Variants in ZNF131 observed in about 807,000 individuals in gnomAD.
ZNF131 encodes zinc finger protein 131.
ZNF131 carries 7 observed loss-of-function variants against 60.0 expected under a neutral mutation model. The observed-to-expected ratio is 0.12, with a 90% CI of 0.07 to 0.22. The LOEUF (loss-of-function observed/expected upper bound fraction) is 0.22. Ranked by LOEUF, ZNF131 falls within the 10% of genes least tolerant of loss-of-function variation. The pLI is 1.00. For synonymous variants in ZNF131, 257 were observed against 253.2 expected (o/e 1.01, Z -0.14); for missense variants, 493 against 740.9 (o/e 0.67, Z 3.88).
chr5:43,132,750 T>A (rs776415073), intron 3 of ZNF131, among the ~76,000 whole-genome samples: 35 of 152,104 alleles, frequency 2.3e-4, no homozygotes, highest in Non-Finnish European at 5.0e-4. Flanking sequence ...TGACCTCAAG[T>A]AATCTGCCCA....
intron 4 of ZNF131, among the ~76,000 whole-genome samples, chr5:43,158,393 G>T (rs1202153853): frequency 1.3e-5 from 2 of 152,170 alleles, no homozygotes; most frequent in Non-Finnish European, 2.9e-5. Flanking sequence ...GGGTTCAAGT[G>T]ATTCTCCTGC....
rs530031959 is a variant in ZNF131, at chr5:43,158,653, T to C, written c.372-2596T>C. Among the ~76,000 whole-genome samples, 48 of 152,314 alleles carry C rather than the reference T, an allele frequency of 3.2e-4. 1 individual carries two copies. The highest frequency in any genetic ancestry group is 9.4e-4 in the African/African-American group (39 of 41,574). On this transcript the variant is annotated intron_variant, in intron 4 of 6. Transcript: ENST00000682664. ...TCCAAATAAGGCCTATTCACAGATA[T>C]TAGGGGCCAAGACTTCAACATACCT...
intron 3 of ZNF131, among the ~76,000 whole-genome samples, chr5:43,138,086 G>T (rs767917347): frequency 6.6e-6 from 1 of 152,188 alleles, no homozygotes. Context: ...GGGGCTGGGA[G>T]GGAGGAGGAA....
Position 43,175,146 on chromosome 5 carries a change from A to G in ZNF131, c.*13A>G. On this transcript the variant is annotated 3_prime_UTR_variant, in exon 7 of 7. Coordinates refer to ENST00000682664, the MANE Select transcript of ZNF131 (RefSeq NM_001330707.2). ...AGTTTTAGAATGAAATTACACATGA[A>G]TATATTTTTAAATTTACTTGTTGGG... 1.9e-6 allele frequency: 3 copies of G among 1,586,398 alleles called. No individual in the cohort carries two copies. The highest frequency in any genetic ancestry group is 2.3e-5 in the South Asian group (2 of 86,904).
chr5:43,141,880 C>T (rs1477906293), intron 4 of ZNF131, among the ~76,000 whole-genome samples: 1 of 151,958 alleles, frequency 6.6e-6, no homozygotes, highest in Non-Finnish European at 1.5e-5. Context: ...GTAATATGTT[C>T]TGAAGAGTTC....
chr5:43,161,652 G>A lies in ZNF131; in HGVS notation c.775G>A (p.Asp259Asn). The change falls in exon 5 of 7, where the codon GAC becomes AAC. Residue 259 changes from aspartate to asparagine, a missense_variant. Asp to Asn is a conservative substitution (Grantham distance 23, BLOSUM62 1). Coordinates refer to ENST00000682664, the MANE Select transcript of ZNF131 (RefSeq NM_001330707.2). ...GGAACTTCAGCTGTCACATGTGAAG[G>A]ACTTGTTCCATTGTGAGAAATGTAA... The part of the protein sequence containing the change: ...IVELQLSHVK[D>N]LFHCEKCNRS... 6.2e-7 allele frequency: 1 copy of A among 1,614,226 alleles called. No individual in the cohort carries two copies. The highest frequency in any genetic ancestry group is 1.1e-5 in the South Asian group (1 of 91,090).
At position 43,172,176 on chromosome 5, in the gene ZNF131, C is replaced by G. The variant is rs1369695675; in HGVS notation, c.1055-1142C>G. On this transcript the variant is annotated intron_variant, in intron 5 of 6. Coordinates refer to ENST00000682664, the MANE Select transcript of ZNF131 (RefSeq NM_001330707.2). Reference sequence around the variant, plus strand: ...CTGGTTAAAGTCATTTCCTTGTTTTCTTTACTTCTACTTCTGGCTGTTTCA... The same window carrying G: ...CTGGTTAAAGTCATTTCCTTGTTTTGTTTACTTCTACTTCTGGCTGTTTCA... Among the ~76,000 whole-genome samples, 5 of 152,230 alleles carry G rather than the reference C, an allele frequency of 3.3e-5. No individual in the cohort carries two copies. In the East Asian group the frequency reaches 7.7e-4, roughly 23 times the overall value.
At position 43,155,752 on chromosome 5, in the gene ZNF131, A is replaced by G. The variant is rs146057456; in HGVS notation, c.372-5497A>G. On this transcript the variant is annotated intron_variant, in intron 4 of 6. Coordinates refer to ENST00000682664, the MANE Select transcript of ZNF131 (RefSeq NM_001330707.2). Reference sequence around the variant, plus strand: ...TTTTTGTTGGGAGGAGGATAGGAGAAGAAACAGTTTTTCTTTTACTGCTGG... The same window carrying G: ...TTTTTGTTGGGAGGAGGATAGGAGAGGAAACAGTTTTTCTTTTACTGCTGG... Among the ~76,000 whole-genome samples the G allele has an allele frequency of 4.7e-4, 72 of 152,302 alleles. 2 individuals are homozygous for G. The South Asian group carries it at 0.012, about 25-fold the overall frequency.
At chr5:43,147,110 G>A (rs1476080081) in intron 4 of ZNF131, among the ~76,000 whole-genome samples, 1 of 151,972 alleles carries the variant, frequency 6.6e-6, no homozygotes, top group African/African-American at 2.4e-5. Context: ...ATTTACCTTA[G>A]CATTGTGTTT....
Position 43,127,830 on chromosome 5 carries a change from A to G in ZNF131, c.226+4520A>G, listed in dbSNP as rs372888058. Among the ~76,000 whole-genome samples the G allele has an allele frequency of 9.7e-4, 147 of 152,316 alleles. 1 individual carries two copies. Among genetic ancestry groups the G allele is most frequent in the East Asian group, 6.7e-3 (35 of 5,188 alleles). On this transcript the variant is annotated intron_variant, in intron 3 of 6. Transcript: ENST00000682664. ...TTCATTCCTTTGTTCAGAACACACA[A>G]CCTTCTAACGTGAACCTCCAATTTT...
chr5:43,161,742 A>C lies in ZNF131; in HGVS notation c.865A>C (p.Lys289Gln). 1 of 1,614,260 alleles carries C rather than the reference A, an allele frequency of 6.2e-7. No homozygotes were observed. Among genetic ancestry groups the C allele is most frequent in the Non-Finnish European group, 8.5e-7 (1 of 1,180,038 alleles). Residue 289 changes from lysine (K) to glutamine (Q), a missense_variant, in exon 5 of 7, where the codon AAG becomes CAG. Transcript: ENST00000682664. The part of the protein sequence containing the change: ...HMKSHSTESF[K>Q]CEICNKRYLR... ...GAAATCACACTCCACTGAGAGTTTC[A>C]AGTGTGAAATATGCAATAAACGATA... is the stretch of plus-strand genomic sequence containing the variant.
rs548804257 is a variant in ZNF131, at chr5:43,124,511, A to G, written c.226+1201A>G. 2.0e-5 allele frequency: 3 copies of G among 152,342 alleles called. No individual in the cohort carries two copies. The East Asian group carries it at 5.8e-4, about 29-fold the overall frequency. 9.4% of individuals were successfully genotyped at this position (152,342 alleles called of 1,614,324 possible). On this transcript the variant is annotated intron_variant, in intron 3 of 6. Coordinates refer to ENST00000682664, the MANE Select transcript of ZNF131 (RefSeq NM_001330707.2). ...ATATTCCAGTTTAGCATTATAGCTG[A>G]TATATTTACAGCTAGAGTATCTTTT...
chr5:43,124,623 T>A (rs1398578669), intron 3 of ZNF131: 4 of 152,134 alleles, frequency 2.6e-5, no homozygotes, highest in Non-Finnish European at 5.9e-5. Flanking sequence ...TGATAGTGGT[T>A]TCTACTACAA....
intron 5 of ZNF131, among the ~76,000 whole-genome samples, chr5:43,165,035 C>T (rs376809385): frequency 9.2e-5 from 14 of 152,106 alleles, no homozygotes; most frequent in African/African-American, 3.1e-4. Context: ...ACTGCAGTCT[C>T]GACCTCCTGG....
rs1347538307 is a variant in ZNF131, at chr5:43,161,883, C to A, written c.1006C>A (p.Gln336Lys). 9 of 1,609,588 alleles carry A rather than the reference C, an allele frequency of 5.6e-6. No individual in the cohort carries two copies. Among genetic ancestry groups the A allele is most frequent in the Non-Finnish European group, 7.6e-6 (9 of 1,178,024 alleles). ...KIHVCQYCEK[Q>K]FDHFGHFKEH... is the part of the protein sequence containing the mutation. ...TCATGTATGTCAGTACTGTGAGAAA[C>A]AGTTTGACCATTTTGGACATTTTAA... The change falls in exon 5 of 7, where the codon CAG becomes AAG. Residue 336 changes from glutamine (Q) to lysine (K), a missense_variant. Transcript: ENST00000682664.
intron 5 of ZNF131, among the ~76,000 whole-genome samples, chr5:43,166,266 G>A (rs769457318): frequency 6.6e-6 from 1 of 152,164 alleles, no homozygotes; most frequent in Admixed American, 6.5e-5. Context: ...ACCTGGCATA[G>A]GAGACCTGGC....
At chr5:43,161,974 C>A in intron 5 of ZNF131, 43 bp downstream of exon 5, 1 of 1,506,986 alleles carries the variant, frequency 6.6e-7, no homozygotes, top group Non-Finnish European at 8.9e-7. Flanking sequence ...TTCCCACATG[C>A]ACTTCAAATT....
chr5:43,136,650 C>G (rs12513656), intron 3 of ZNF131, among the ~76,000 whole-genome samples: 2 of 122,532 alleles, frequency 1.6e-5, no homozygotes, highest in Admixed American at 9.3e-5. Flanking sequence ...TTTTCTTTTT[C>G]TTTTTTTTTT....
chr5:43,170,754 T>A (rs1279540010), intron 5 of ZNF131, among the ~76,000 whole-genome samples: 1 of 149,498 alleles, frequency 6.7e-6, no homozygotes, highest in African/African-American at 2.5e-5. Flanking sequence ...TGCCTCAGCC[T>A]CCCAAGTAGC....
Sources: gnomAD v4.1 joint callset for allele counts (sites outside exome capture counted in the v4.1 genomes callset) on GRCh38, gnomAD v4.1.1 for gene constraint, MANE v1.5 for transcripts, NCBI Gene and HGNC (gene_info 2026-07-23, HGNC 2026-07-21) for gene names.